Variants in SGCD observed in about 807,000 individuals in gnomAD.
SGCD encodes delta-sarcoglycan.
In SGCD, 18 loss-of-function variants were observed where a neutral mutation model predicts 36.6. The observed-to-expected ratio is 0.49, with a 90% CI of 0.34 to 0.73. The LOEUF is 0.73. Among genes scored for constraint, SGCD ranks in the 30% least tolerant of loss-of-function variants. The pLI is 0.01. For missense variants in SGCD, 387 were observed against 346.7 expected (o/e 1.12, Z -0.92); for synonymous variants, 133 against 130.6 (o/e 1.02, Z -0.12).
intron 7 of SGCD, among the ~76,000 whole-genome samples, chr5:156,648,914 T>C (rs1434955741): frequency 1.3e-5 from 2 of 152,284 alleles, no homozygotes; most frequent in South Asian, 2.1e-4. Context: ...AGCTAATCAG[T>C]GGCCTGGTTC....
chr5:156,041,820 A>G (rs971920477), intron 1 of SGCD, among the ~76,000 whole-genome samples: 57 of 152,210 alleles, frequency 3.7e-4, no homozygotes, highest in African/African-American at 1.3e-3. Context: ...GAGGTTCCAG[A>G]AAGAATAGTA....
intron 3 of SGCD, among the ~76,000 whole-genome samples, chr5:156,265,555 T>G (rs765833505): frequency 1.3e-5 from 2 of 151,904 alleles, no homozygotes; most frequent in Non-Finnish European, 2.9e-5. Flanking sequence ...CTCATAGCCT[T>G]AAGAAAAATT....
intron 3 of SGCD, among the ~76,000 whole-genome samples, chr5:156,184,676 G>C (rs1302462226): frequency 1.3e-5 from 2 of 152,100 alleles, no homozygotes; most frequent in African/African-American, 4.8e-5. Flanking sequence ...TGGTTCCAAA[G>C]GTCACCCTAC....
chr5:156,596,725 A>G lies in SGCD; in HGVS notation c.502+1674A>G, dbSNP rs570315149. 3.3e-5 allele frequency among the ~76,000 whole-genome samples: 5 copies of G among 152,022 alleles called. No homozygotes were observed. In the South Asian group the frequency reaches 1.0e-3, roughly 32 times the overall value. ...CTTTCTGGATGACTCTTAGAGCTTC[A>G]TCTCCAGTCTGGTATCTTCCTTGAA... On this transcript the variant is annotated intron_variant, in intron 6 of 8. Coordinates refer to ENST00000337851, the MANE Select transcript of SGCD (RefSeq NM_000337.6).
intron 3 of SGCD, among the ~76,000 whole-genome samples, chr5:156,226,649 C>G (rs1487872266): frequency 6.6e-6 from 1 of 152,138 alleles, no homozygotes; most frequent in East Asian, 1.9e-4. Context: ...CCACAGTTTT[C>G]CATAGCGGCT....
chr5:156,143,737 AT>A lies in SGCD; in HGVS notation c.-44+19728del, dbSNP rs1042178613. Among the ~76,000 whole-genome samples, 409 of 149,760 alleles carry A rather than the reference AT, an allele frequency of 2.7e-3. 1 individual carries two copies. Among genetic ancestry groups the A allele is most frequent in the Non-Finnish European group, 4.3e-3 (292 of 67,222 alleles). ...GCCTCATTCTTTTCTTTTTTTTGCA[AT>A]TTTTTTTTTAAATTATACTCTAAGT... is the stretch of plus-strand genomic sequence containing the variant. On this transcript the variant is annotated intron_variant, in intron 3 of 9. Coordinates refer to the SGCD transcript ENST00000517913.
rs145483541 is a variant in SGCD, at chr5:156,468,852, C to A, written c.193-39749C>A. The stretch of plus-strand genomic sequence containing the variant: ...ACTAATAATAAAAAAACTAGCCAGG[C>A]GTGATGGCACATGCCCGTAATCCCA... On this transcript the variant is annotated intron_variant, in intron 3 of 8. Coordinates refer to ENST00000337851, the MANE Select transcript of SGCD (RefSeq NM_000337.6). 1.6e-3 allele frequency among the ~76,000 whole-genome samples: 240 copies of A among 152,172 alleles called. 1 individual carries two copies. The highest frequency in any genetic ancestry group is 0.014 in the Middle Eastern group (4 of 294).
At chr5:156,608,351 G>A (rs1244630198) in intron 6 of SGCD, among the ~76,000 whole-genome samples, 9 of 152,180 alleles carry the variant, frequency 5.9e-5, no homozygotes, top group African/African-American at 2.2e-4. Flanking sequence ...TAGTTGAGCG[G>A]TTTTGAGTGC....
At chr5:156,049,840 A>G (rs1561696721) in intron 1 of SGCD, among the ~76,000 whole-genome samples, 1 of 146,416 alleles carries the variant, frequency 6.8e-6, no homozygotes, top group Admixed American at 6.8e-5. Flanking sequence ...CAATGGAGGA[A>G]GAAATTGCAG....
chr5:156,334,067 C>A (rs1768205696), intron 2 of SGCD, among the ~76,000 whole-genome samples: 1 of 151,628 alleles, frequency 6.6e-6, no homozygotes. Context: ...TGTCCATGTT[C>A]CCTTTAGGCC....
chr5:155,815,197 C>A, the SGCD span, among the ~76,000 whole-genome samples: 1,066 of 152,274 alleles, frequency 7.0e-3, 10 homozygotes, highest in Middle Eastern at 0.017. Context: ...CTCTCACCAT[C>A]TAAGTTGATA....
At chr5:156,204,408 A>C (rs1764221658) in intron 3 of SGCD, among the ~76,000 whole-genome samples, 1 of 151,932 alleles carries the variant, frequency 6.6e-6, no homozygotes, top group African/African-American at 2.4e-5. Context: ...TGGGTGATAC[A>C]AATATATATA....
intron 3 of SGCD, among the ~76,000 whole-genome samples, chr5:156,363,284 G>T (rs547429801): frequency 6.6e-6 from 1 of 152,048 alleles, no homozygotes; most frequent in Non-Finnish European, 1.5e-5. Context: ...GGTAACTCAC[G>T]TATTTCTAAA....
chr5:156,573,657 G>C (rs1759810578), intron 4 of SGCD, among the ~76,000 whole-genome samples: 1 of 152,040 alleles, frequency 6.6e-6, no homozygotes, highest in Non-Finnish European at 1.5e-5. Context: ...GAGTCAGCTA[G>C]ATACACATTC....
chr5:155,806,664 A>G, the SGCD span, among the ~76,000 whole-genome samples: 2 of 152,230 alleles, frequency 1.3e-5, no homozygotes, highest in African/African-American at 4.8e-5. Flanking sequence ...CTGTAGAGTA[A>G]GAAAAATGTT....
chr5:156,364,210 T>C (rs10036928), intron 3 of SGCD, among the ~76,000 whole-genome samples: 119,541 of 152,126 alleles, frequency 0.79, 47,646 homozygotes, highest in Middle Eastern at 0.92. Context: ...GACTTTAAAG[T>C]GACTTTTCCC....
the SGCD span, among the ~76,000 whole-genome samples, chr5:155,826,713 C>T: frequency 3.9e-5 from 6 of 152,230 alleles, no homozygotes; most frequent in Admixed American, 2.0e-4. Flanking sequence ...ATTATTCACT[C>T]GTTTAGCTGT....
chr5:156,294,340 T>C (rs1731475144), intron 3 of SGCD, among the ~76,000 whole-genome samples: 1 of 152,154 alleles, frequency 6.6e-6, no homozygotes. Flanking sequence ...CTCATTCTTG[T>C]AATCCCAGCA....
intron 1 of SGCD, among the ~76,000 whole-genome samples, chr5:155,995,091 A>G (rs1561676287): frequency 6.6e-6 from 1 of 152,138 alleles, no homozygotes; most frequent in East Asian, 1.9e-4. Context: ...GGGTACACAC[A>G]TTGGCAGGAC....
Sources: allele counts gnomAD v4.1 joint callset (sites outside exome capture counted in the v4.1 genomes callset), GRCh38; gene constraint gnomAD v4.1.1; transcripts MANE v1.5; gene names NCBI Gene and HGNC (gene_info 2026-07-23, HGNC 2026-07-21).